SLC44A1: variants seen among roughly 807,000 people sequenced by gnomAD.
The protein encoded by SLC44A1 is choline transporter-like protein 1.
SLC44A1 carries 26 observed loss-of-function variants against 79.3 expected under a neutral mutation model. The observed-to-expected ratio is 0.33, with a 90% CI of 0.24 to 0.46. The LOEUF (loss-of-function observed/expected upper bound fraction) is 0.46. SLC44A1 is among the 20% of genes least tolerant of loss of function. SLC44A1 has a pLI of 1.00. For synonymous variants in SLC44A1, 263 were observed against 286.2 expected, an observed-to-expected ratio of 0.92 and a Z score of 0.82; for missense variants, 688 against 798.1, an observed-to-expected ratio of 0.86 and a Z score of 1.66.
intron 1 of SLC44A1, among the ~76,000 whole-genome samples, chr9:105,250,139 G>A (rs895692553): frequency 1.3e-5 from 2 of 152,078 alleles, no homozygotes; most frequent in Non-Finnish European, 2.9e-5. Flanking sequence ...GCCTCCCAAA[G>A]TGCTAGGATT....
At chr9:105,316,029 C>A (rs1333279397) in intron 3 of SLC44A1, among the ~76,000 whole-genome samples, 2 of 152,148 alleles carry the variant, frequency 1.3e-5, no homozygotes, top group Non-Finnish European at 2.9e-5. Flanking sequence ...TTGAAAAAAG[C>A]GTTTGGTTAA....
chr9:105,422,896 T>A (rs894483944), intron 15 of SLC44A1, among the ~76,000 whole-genome samples: 1 of 152,194 alleles, frequency 6.6e-6, no homozygotes, highest in Non-Finnish European at 1.5e-5. Flanking sequence ...AAGTCACTCA[T>A]GTTAAAAACT....
chr9:105,263,537 A>AT (rs1167076279), intron 1 of SLC44A1, among the ~76,000 whole-genome samples: 19,561 of 135,920 alleles, frequency 0.14, 2,246 homozygotes, highest in African/African-American at 0.31. Flanking sequence ...ACATGTGTGT[A>AT]TTTTTTTTTT....
intron 3 of SLC44A1, among the ~76,000 whole-genome samples, chr9:105,329,144 G>A (rs924315580): frequency 6.6e-6 from 1 of 152,164 alleles, no homozygotes; most frequent in Non-Finnish European, 1.5e-5. Context: ...AGGCTGTCAT[G>A]GTTTTCAGTT....
Position 105,389,976 on chromosome 9 carries a change from G to A in SLC44A1, c.*920G>A. 6.8e-7 allele frequency: 1 copy of A among 1,461,858 alleles called. No homozygotes were observed. The highest frequency in any genetic ancestry group is 9.0e-7 in the Non-Finnish European group (1 of 1,108,312). The allele number at this position is 1,461,858 out of a possible 1,614,324, so 90.6% of individuals were successfully genotyped here. On this transcript the variant is annotated 3_prime_UTR_variant, in exon 16 of 16. Transcript: ENST00000374720. ...TAAAGCATTGAAAATTCCGGTGCTT[G>A]GGCTTCGGCTTCAGAGTAACGTCAG...
rs111262528 is a variant in SLC44A1, at chr9:105,425,684, G to A, written c.1951-12597G>A. ...CTAAAAATACAAAAATTAGCCGGGC[G>A]TGATGGCGGGTGCCTGTAATCCCAG... On this transcript the variant is annotated intron_variant, in intron 15 of 15. Transcript: ENST00000374724. 9.4e-3 allele frequency among the ~76,000 whole-genome samples: 1,431 copies of A among 152,262 alleles called. 23 individuals carry two copies. The highest frequency in any genetic ancestry group is 0.033 in the African/African-American group (1,360 of 41,532).
intron 3 of SLC44A1, among the ~76,000 whole-genome samples, chr9:105,312,620 A>G (rs1831209535): frequency 6.6e-6 from 1 of 152,258 alleles, no homozygotes; most frequent in Non-Finnish European, 1.5e-5. Context: ...GGCTTTCCAT[A>G]AAGACCGTTC....
chr9:105,323,368 A>T (rs564328091), intron 3 of SLC44A1, among the ~76,000 whole-genome samples: 17 of 152,312 alleles, frequency 1.1e-4, no homozygotes, highest in African/African-American at 3.8e-4. Flanking sequence ...GCAACTGGGG[A>T]TGTATCTGTA....
chr9:105,393,100 G>A lies in SLC44A1; in HGVS notation c.*4044G>A. Reference sequence around the variant, plus strand: ...ATAATGGCTTGCCTAGAACTGGTAAGAAGTGGTCTGTGAATGTATATTGAA... The same window carrying A: ...ATAATGGCTTGCCTAGAACTGGTAAAAAGTGGTCTGTGAATGTATATTGAA... On this transcript the variant is annotated 3_prime_UTR_variant, in exon 16 of 16. Coordinates refer to ENST00000374720, the MANE Select transcript of SLC44A1 (RefSeq NM_080546.5). 2 of 985,390 alleles carry A rather than the reference G, an allele frequency of 2.0e-6. No homozygotes were observed. Among genetic ancestry groups the A allele is most frequent in the Non-Finnish European group, 2.4e-6 (2 of 829,880 alleles). The allele number at this position is 985,390 out of a possible 1,614,324, so 61.0% of individuals were successfully genotyped here.
At chr9:105,415,231 A>C (rs1166596040) in intron 15 of SLC44A1, among the ~76,000 whole-genome samples, 1 of 152,216 alleles carries the variant, frequency 6.6e-6, no homozygotes, top group Non-Finnish European at 1.5e-5. Flanking sequence ...GATTTCTCAA[A>C]GCCCACAGTT....
intron 1 of SLC44A1, among the ~76,000 whole-genome samples, chr9:105,263,618 G>T (rs1374838759): frequency 6.7e-6 from 1 of 148,770 alleles, no homozygotes; most frequent in Non-Finnish European, 1.5e-5. Context: ...CTCACTCAAC[G>T]TCCACCTCCC....
intron 5 of SLC44A1, among the ~76,000 whole-genome samples, chr9:105,350,624 G>A (rs1187678980): frequency 6.6e-6 from 1 of 152,098 alleles, no homozygotes; most frequent in Non-Finnish European, 1.5e-5. Context: ...GATAAGTCTG[G>A]GGTGAATTCC....
intron 1 of SLC44A1, among the ~76,000 whole-genome samples, chr9:105,272,190 A>G (rs1467745495): frequency 6.6e-6 from 1 of 152,204 alleles, no homozygotes; most frequent in Non-Finnish European, 1.5e-5. Flanking sequence ...GAATTAATCA[A>G]AAGGAGAAAA....
In SLC44A1 at chr9:105,393,665, A is replaced by C. The variant is rs1828814846; in HGVS notation, c.*4609A>C. Reference sequence around the variant, plus strand: ...TCCCATCTTGATTTTGTACATGTAAAGACAAATGATGATTCAGTTTCAATA... The same window carrying C: ...TCCCATCTTGATTTTGTACATGTAACGACAAATGATGATTCAGTTTCAATA... On this transcript the variant is annotated 3_prime_UTR_variant, in exon 16 of 16. Coordinates refer to ENST00000374720, the MANE Select transcript of SLC44A1 (RefSeq NM_080546.5). 1 of 984,598 alleles carries C rather than the reference A, an allele frequency of 1.0e-6. No homozygotes were observed. The highest frequency in any genetic ancestry group is 1.7e-5 in the African/African-American group (1 of 57,228). The allele number at this position is 984,598 out of a possible 1,614,324, so 61.0% of individuals were successfully genotyped here. A position where few individuals can be genotyped will look rare whatever the true frequency, so the allele number is the denominator to read the frequency against.
chr9:105,249,889 A>C (rs1440394205), intron 1 of SLC44A1, among the ~76,000 whole-genome samples: 1 of 143,852 alleles, frequency 7.0e-6, no homozygotes, highest in Non-Finnish European at 1.5e-5. Flanking sequence ...TTTTTTGTGA[A>C]GTAGGGTCTT....
chr9:105,353,266 T>A (rs71494522), intron 5 of SLC44A1, among the ~76,000 whole-genome samples: 2,249 of 152,282 alleles, frequency 0.015, 24 homozygotes, highest in Non-Finnish European at 0.023. Flanking sequence ...GAAAGTACTC[T>A]TTCCAATTGG....
In SLC44A1 at chr9:105,391,564, C is replaced by G. The variant is rs1012106888; in HGVS notation, c.*2508C>G. 4 of 985,158 alleles carry G rather than the reference C, an allele frequency of 4.1e-6. No individual in the cohort carries two copies. In the African/African-American group the frequency reaches 7.0e-5, roughly 17 times the overall value. 61.0% of individuals were successfully genotyped at this position (985,158 alleles called of 1,614,324 possible). A position where few individuals can be genotyped will look rare whatever the true frequency, so the allele number is the denominator to read the frequency against. Reference sequence around the variant, plus strand: ...GATATTTAATATGTGGAATATCACTCTTTCATGAGCTTTATTCCTTGATTA... The same window carrying G: ...GATATTTAATATGTGGAATATCACTGTTTCATGAGCTTTATTCCTTGATTA... On this transcript the variant is annotated 3_prime_UTR_variant, in exon 16 of 16. Transcript: ENST00000374720.
intron 5 of SLC44A1, 51 bp downstream of exon 5, chr9:105,348,502 A>G (rs920032974): frequency 9.4e-7 from 1 of 1,058,824 alleles, no homozygotes; most frequent in African/African-American, 1.6e-5. Context: ...TTTGTAGGTA[A>G]ATTTTAAACA....
chr9:105,244,778 C>T lies in SLC44A1; in HGVS notation c.-91C>T. 1 of 742,856 alleles carries T rather than the reference C, an allele frequency of 1.3e-6. No homozygotes were observed. The highest frequency in any genetic ancestry group is 5.0e-5 in the Admixed American group (1 of 19,820). 46.0% of individuals were successfully genotyped at this position (742,856 alleles called of 1,614,324 possible). A position where few individuals can be genotyped will look rare whatever the true frequency, so the allele number is the denominator to read the frequency against. ...CCTAGCCGTGCGGTGCCAGGCCGCG[C>T]CCTCCCCGGGCGCCCGCCGGCTCGC... On this transcript the variant is annotated 5_prime_UTR_variant, in exon 1 of 16. Coordinates refer to ENST00000374720, the MANE Select transcript of SLC44A1 (RefSeq NM_080546.5).
Sources: allele counts gnomAD v4.1 joint callset (sites outside exome capture counted in the v4.1 genomes callset), GRCh38; gene constraint gnomAD v4.1.1; transcripts MANE v1.5; gene names NCBI Gene and HGNC (gene_info 2026-07-23, HGNC 2026-07-21).